The following EXOC3L4 variants were observed in gnomAD, a reference collection of about 807,000 sequenced individuals.
The protein encoded by EXOC3L4 is exocyst complex component 3-like protein 4.
EXOC3L4 carries 62 observed loss-of-function variants against 69.7 expected under a neutral mutation model. The ratio of observed to expected loss-of-function variants is 0.89; its 90% CI spans 0.72 to 1.10. The LOEUF (loss-of-function observed/expected upper bound fraction) is 1.10, where lower values mean the gene tolerates loss of function less well. EXOC3L4 is among the 50% of genes least tolerant of loss of function. The probability of loss-of-function intolerance (pLI) is 0.00; values close to 1 mark genes in which losing one functional copy is unlikely to be tolerated. For synonymous variants in EXOC3L4, 502 were observed against 464.2 expected (o/e 1.08, Z -1.05); for missense variants, 1,087 against 1,034.8 (o/e 1.05, Z -0.69).
intron 3 of EXOC3L4, 53 bp from the exon 4 acceptor site, chr14:103,103,888 C>A: frequency 7.7e-7 from 1 of 1,293,838 alleles, no homozygotes; most frequent in African/African-American, 1.5e-5. Context: ...AGAGGGGCAG[C>A]GGCTGCCGCA....
In EXOC3L4 at chr14:103,107,680, G is replaced by A. The variant is rs754755983; in HGVS notation, c.1751G>A (p.Arg584Gln). The stretch of plus-strand genomic sequence containing the variant: ...TTCGTGGTCCGCGAGTACCTGGCGC[G>A]GGCGCTGAGGCCACGGGAGCGGTTC... ...HRFVVREYLA[R>Q]ALRPRERFRG... is the part of the protein sequence containing the mutation. Residue 584 changes from arginine to glutamine, a missense_variant, in exon 10 of 12, where the codon CGG becomes CAG. Transcript: ENST00000688303. 6.3e-5 allele frequency: 99 copies of A among 1,559,988 alleles called. No individual in the cohort carries two copies. The highest frequency in any genetic ancestry group is 1.7e-4 in the Middle Eastern group (1 of 6,008).
rs1367287643 is a variant in EXOC3L4, at chr14:103,102,360, G to A, written c.637G>A (p.Glu213Lys). 5.1e-6 allele frequency: 8 copies of A among 1,561,678 alleles called. No homozygotes were observed. The Admixed American group carries it at 1.1e-4, about 21-fold the overall frequency. Residue 213 changes from glutamate to lysine, a missense_variant, in exon 3 of 12, where the codon GAG (glutamate) becomes AAG (lysine). Coordinates refer to ENST00000688303, the MANE Select transcript of EXOC3L4 (RefSeq NM_001077594.2). ...CGGTGTGGACGCGGCCGCGCTGGCC[G>A]AGCTGGCCCGCGTGGTGAGCGCGGA... The part of the protein sequence containing the change: ...SDGVDAAALA[E>K]LARVVSAEEE...
chr14:103,104,353 C>A lies in EXOC3L4; in HGVS notation c.1248C>A (p.Gly416=). Residue 416 remains glycine (G), a synonymous_variant, in exon 5 of 12, where the codon GGC becomes GGA. Transcript: ENST00000688303. ...AAAEVPEVLQ[G]LYQAPLSMDV... is the part of the protein sequence containing the mutation. ...CCGAGGTCCCCGAGGTGCTGCAGGG[C>A]CTCTACCAGGCGCCGCTGTCCATGG... is the stretch of plus-strand genomic sequence containing the variant. 6.3e-7 allele frequency: 1 copy of A among 1,589,360 alleles called. No homozygotes were observed. The highest frequency in any genetic ancestry group is 8.6e-7 in the Non-Finnish European group (1 of 1,169,336).
chr14:103,100,785 G>T (rs972684048), intron 2 of EXOC3L4, among the ~76,000 whole-genome samples, 172 bp downstream of exon 2: 1 of 152,186 alleles, frequency 6.6e-6, no homozygotes, highest in Non-Finnish European at 1.5e-5. Flanking sequence ...ACCCAGGCTG[G>T]CATGCAGTGG....
chr14:103,095,184 C>T (rs1454025558), intron 1 of EXOC3L4, among the ~76,000 whole-genome samples: 1 of 152,194 alleles, frequency 6.6e-6, no homozygotes. Context: ...TGTGCAAAAC[C>T]GACGCCCAGA....
Position 103,102,655 on chromosome 14 carries a change from T to A in EXOC3L4, c.932T>A (p.Val311Asp). ...GCGGCCGGCTTCCCAGCGTGGGAGG[T>A]CTATCTGCGTGCCTTCCACAGCGCC... ...YAAAGFPAWE[V>D]YLRAFHSAVA... The change falls in exon 3 of 12, where the codon GTC (valine) becomes GAC (aspartate). Residue 311 changes from valine to aspartate, a missense_variant. Val to Asp is a radical substitution (Grantham distance 152). Transcript: ENST00000688303. The A allele has an allele frequency of 6.7e-7, 1 of 1,497,340 alleles. No individual in the cohort carries two copies. 92.8% of individuals were successfully genotyped at this position (1,497,340 alleles called of 1,614,324 possible).
At chr14:103,107,000 G>C (rs1017216215) in intron 8 of EXOC3L4, 101 bp downstream of exon 8, 10 of 1,018,908 alleles carry the variant, frequency 9.8e-6, no homozygotes, top group Non-Finnish European at 1.3e-5. Context: ...TTTATTCCAG[G>C]GTGAGCTCAT....
chr14:103,095,672 C>T lies in EXOC3L4; in HGVS notation c.-17+832C>T, dbSNP rs540626042. ...GCTGTGCTTCTTCCGAGGGCAGCAGCGGCTCAGGGGGCTTATGCTTTGTTG... is the reference window on the plus strand; with the variant it reads ...GCTGTGCTTCTTCCGAGGGCAGCAGTGGCTCAGGGGGCTTATGCTTTGTTG... On this transcript the variant is annotated intron_variant, in intron 1 of 11. Transcript: ENST00000688303. Among the ~76,000 whole-genome samples, 21 of 152,310 alleles carry T rather than the reference C, an allele frequency of 1.4e-4. No homozygotes were observed. In the South Asian group the frequency reaches 3.3e-3, roughly 24 times the overall value.
At chr14:103,095,220 A>C (rs1392131374) in intron 1 of EXOC3L4, among the ~76,000 whole-genome samples, 1 of 152,218 alleles carries the variant, frequency 6.6e-6, no homozygotes, top group Non-Finnish European at 1.5e-5. Flanking sequence ...CCGCGCGCTC[A>C]AGCTCAGGCA....
intron 11 of EXOC3L4, 32 bp from the exon 12 acceptor site, chr14:103,109,999 G>T: frequency 6.4e-7 from 1 of 1,558,078 alleles, no homozygotes; most frequent in Non-Finnish European, 8.7e-7. Context: ...CGGAGGTGTA[G>T]GTCTGCAGTG....
intron 4 of EXOC3L4, 55 bp from the exon 5 acceptor site, chr14:103,104,212 G>A (rs1245193610): frequency 2.0e-6 from 3 of 1,489,132 alleles, no homozygotes; most frequent in East Asian, 5.1e-5. Context: ...CATCCCGGAC[G>A]GCGCGGGACG....
In EXOC3L4 at chr14:103,097,085, G is replaced by A. The variant is rs1889925516; in HGVS notation, c.-17+2245G>A. On this transcript the variant is annotated intron_variant, in intron 1 of 11. Coordinates refer to ENST00000688303, the MANE Select transcript of EXOC3L4 (RefSeq NM_001077594.2). This position sits in a 1 kb window ranked among gnomAD's most constrained non-coding sequence, Gnocchi z 4.9. ...ATTGGGAGGATGAGGAGCAGCTACG[G>A]GAGGGAAGGTCTAGGGGAAAGCGGG... Among the ~76,000 whole-genome samples, 1 of 151,666 alleles carries A rather than the reference G, an allele frequency of 6.6e-6. No homozygotes were observed. Among genetic ancestry groups the A allele is most frequent in the Non-Finnish European group, 1.5e-5 (1 of 67,886 alleles).
rs1264297389 is a variant in EXOC3L4, at chr14:103,107,704, T to C, written c.1775T>C (p.Phe592Ser). Residue 592 changes from phenylalanine (F) to serine (S), a missense_variant, in exon 10 of 12, where the codon TTC (phenylalanine) becomes TCC (serine). Physicochemically the swap from Phe to Ser is radical, Grantham distance 155 (BLOSUM62 -2). Transcript: ENST00000688303. ...CGGGCGCTGAGGCCACGGGAGCGGTTCCGGGGCATGGAGCGCATGCATGGC... is the reference window on the plus strand; with the variant it reads ...CGGGCGCTGAGGCCACGGGAGCGGTCCCGGGGCATGGAGCGCATGCATGGC... ...LARALRPRER[F>S]RGMERMHGSQ... 1 of 1,554,186 alleles carries C rather than the reference T, an allele frequency of 6.4e-7. No homozygotes were observed. The highest frequency in any genetic ancestry group is 8.7e-7 in the Non-Finnish European group (1 of 1,147,998).
In EXOC3L4 at chr14:103,102,641, C is replaced by T; in HGVS notation, c.918C>T (p.Phe306=). Residue 306 remains phenylalanine (F), a synonymous_variant, in exon 3 of 12, where the codon TTC becomes TTT. Coordinates refer to ENST00000688303, the MANE Select transcript of EXOC3L4 (RefSeq NM_001077594.2). ...EVQPAYAAAG[F]PAWEVYLRAF... ...AGCCCGCGTATGCGGCGGCCGGCTTCCCAGCGTGGGAGGTCTATCTGCGTG... is the reference window on the plus strand; with the variant it reads ...AGCCCGCGTATGCGGCGGCCGGCTTTCCAGCGTGGGAGGTCTATCTGCGTG... The T allele has an allele frequency of 6.7e-7, 1 of 1,500,918 alleles. No individual in the cohort carries two copies. Among genetic ancestry groups the T allele is most frequent in the Non-Finnish European group, 8.8e-7 (1 of 1,130,762 alleles). 93.0% of individuals were successfully genotyped at this position (1,500,918 alleles called of 1,614,324 possible). A position where few individuals can be genotyped will look rare whatever the true frequency, so the allele number is the denominator to read the frequency against.
At position 103,097,269 on chromosome 14, in the gene EXOC3L4, C is replaced by T. The variant is rs1171876997; in HGVS notation, c.-17+2429C>T. Among the ~76,000 whole-genome samples, 2 of 152,116 alleles carry T rather than the reference C, an allele frequency of 1.3e-5. No homozygotes were observed. Among genetic ancestry groups the T allele is most frequent in the African/African-American group, 4.8e-5 (2 of 41,416 alleles). ...CCCACAAAGGGTGTATTAGCCTGAC[C>T]TGGGGAGAGTGGGACCCGGGGCTCA... On this transcript the variant is annotated intron_variant, in intron 1 of 11. Transcript: ENST00000688303. This position sits in a 1 kb window ranked among gnomAD's most constrained non-coding sequence, Gnocchi z 4.9.
chr14:103,103,818 G>GTGTC, intron 3 of EXOC3L4, 123 bp from the exon 4 acceptor site: 1 of 626,660 alleles, frequency 1.6e-6, no homozygotes, highest in Non-Finnish European at 2.8e-6. Context: ...GTGTGTGTGT[G>GTGTC]TGTGTGTGTG....
intron 7 of EXOC3L4, 59 bp downstream of exon 7, chr14:103,105,131 C>T (rs1011620742): frequency 3.2e-6 from 5 of 1,546,522 alleles, no homozygotes; most frequent in Non-Finnish European, 3.5e-6. Flanking sequence ...GCGCGAGCGC[C>T]GGGAACCTGG....
intron 2 of EXOC3L4, 97 bp from the exon 3 acceptor site, chr14:103,102,021 T>A (rs933910217): frequency 7.6e-7 from 1 of 1,315,474 alleles, no homozygotes; most frequent in Non-Finnish European, 1.0e-6. Context: ...GGACAGACAA[T>A]CCAGCCCCGA....
rs56362121 is a variant in EXOC3L4 at position 103,096,401 on chromosome 14, C to CTTTTT, written c.-17+1568_-17+1572dup. On this transcript the variant is annotated intron_variant, in intron 1 of 11. Coordinates refer to ENST00000688303, the MANE Select transcript of EXOC3L4 (RefSeq NM_001077594.2). The stretch of plus-strand genomic sequence containing the variant: ...AGGAGGTTGACGTTTTGGCAAGATT[C>CTTTTT]TTTTTTTTTTTGCAATTGTAAGATT... 1.4e-3 allele frequency among the ~76,000 whole-genome samples: 188 copies of CTTTTT among 131,928 alleles called. 7 individuals are homozygous for CTTTTT. The highest frequency in any genetic ancestry group is 4.7e-3 in the African/African-American group (167 of 35,728). The allele number at this position is 131,928 out of a possible 152,430, so 86.5% of individuals were successfully genotyped here.
Sources: allele counts gnomAD v4.1 joint callset (sites outside exome capture counted in the v4.1 genomes callset), GRCh38; gene constraint gnomAD v4.1.1; non-coding constraint Gnocchi (gnomAD v3.1); transcripts MANE v1.5; gene names NCBI Gene and HGNC (gene_info 2026-07-23, HGNC 2026-07-21).